Variants in FYTTD1 observed in about 807,000 individuals in gnomAD.
The protein encoded by FYTTD1 is forty-two-three domain containing 1.
Under a neutral mutation model 40.9 loss-of-function variants are expected in FYTTD1, and 22 were observed. The ratio of observed to expected loss-of-function variants is 0.54; its 90% CI spans 0.38 to 0.77. FYTTD1 has a LOEUF of 0.77. Among genes scored for constraint, FYTTD1 ranks in the 30% least tolerant of loss-of-function variants. FYTTD1 has a pLI of 0.00. For missense variants in FYTTD1, 351 were observed against 392.2 expected, an observed-to-expected ratio of 0.90 and a Z score of 0.89; for synonymous variants, 140 against 137.9, an observed-to-expected ratio of 1.01 and a Z score of -0.10.
chr3:197,767,163 C>T (rs901285879), intron 2 of FYTTD1, among the ~76,000 whole-genome samples: 5 of 151,650 alleles, frequency 3.3e-5, no homozygotes, highest in African/African-American at 4.8e-5. Context: ...TTTTTTGAGA[C>T]GGAGTCTCGC....
At chr3:197,753,050 A>C (rs1729110189) in intron 1 of FYTTD1, among the ~76,000 whole-genome samples, 1 of 152,184 alleles carries the variant, frequency 6.6e-6, no homozygotes, top group Admixed American at 6.5e-5. Context: ...TGGAGAGCTG[A>C]AACAGCTTGA....
At chr3:197,752,513 G>A (rs1729091239) in intron 1 of FYTTD1, among the ~76,000 whole-genome samples, 1 of 151,648 alleles carries the variant, frequency 6.6e-6, no homozygotes, top group South Asian at 2.1e-4. Flanking sequence ...TACACTATAT[G>A]TAGTATGTCT....
intron 4 of FYTTD1, 92 bp from the exon 5 acceptor site, chr3:197,773,311 A>G: frequency 1.4e-6 from 1 of 704,978 alleles, no homozygotes. Context: ...TCATGTTTGC[A>G]GCCTATGAAT....
rs952527760 is a variant in FYTTD1 at position 197,776,848 on chromosome 3, A to C, written c.657-79A>C. The C allele has an allele frequency of 2.7e-5, 25 of 918,582 alleles. No individual in the cohort carries two copies. The African/African-American group carries it at 4.0e-4, about 15-fold the overall frequency. The allele number at this position is 918,582 out of a possible 1,614,324, so 56.9% of individuals were successfully genotyped here. A position where few individuals can be genotyped will look rare whatever the true frequency, so the allele number is the denominator to read the frequency against. On this transcript the variant is annotated intron_variant, in intron 6 of 8. Transcript: ENST00000241502. ...TAAGAAAAAGTAATGGCTACTTTTA[A>C]TGTTCATTTTTATTTTGAATATACA...
At chr3:197,770,917 C>T (rs1215987511) in intron 4 of FYTTD1, among the ~76,000 whole-genome samples, 1 of 152,196 alleles carries the variant, frequency 6.6e-6, no homozygotes, top group Non-Finnish European at 1.5e-5. Context: ...CAATTTGTTA[C>T]TCAGTCTGGA....
intron 2 of FYTTD1, among the ~76,000 whole-genome samples, chr3:197,766,588 A>G (rs1205043017): frequency 6.6e-6 from 1 of 151,774 alleles, no homozygotes; most frequent in Non-Finnish European, 1.5e-5. Flanking sequence ...GACTACAGGT[A>G]CGCGCCACTG....
chr3:197,772,145 A>G (rs537630666), intron 4 of FYTTD1, among the ~76,000 whole-genome samples: 2 of 152,198 alleles, frequency 1.3e-5, no homozygotes, highest in Non-Finnish European at 2.9e-5. Flanking sequence ...TGCAGTTTTA[A>G]CCATCATCTT....
In FYTTD1 at chr3:197,768,043, A is replaced by C. The variant is rs1729602716; in HGVS notation, c.236-396A>C. ...AATATTTCACTATATAATTTATATA[A>C]AATCATCAGTGAAATATTTTACCTT... On this transcript the variant is annotated intron_variant, in intron 2 of 8. Coordinates refer to ENST00000241502, the MANE Select transcript of FYTTD1 (RefSeq NM_032288.7). Among the ~76,000 whole-genome samples the C allele has an allele frequency of 2.6e-5, 4 of 152,362 alleles. No individual in the cohort carries two copies. The South Asian group carries it at 8.3e-4, about 32-fold the overall frequency.
At chr3:197,767,398 A>G (rs1580457582) in intron 2 of FYTTD1, among the ~76,000 whole-genome samples, 1 of 149,144 alleles carries the variant, frequency 6.7e-6, no homozygotes, top group Admixed American at 6.7e-5. Context: ...TCGGCCTTCC[A>G]GAGTGCTGGG....
Position 197,750,033 on chromosome 3 carries a change from C to T in FYTTD1, c.62C>T (p.Ala21Val). Residue 21 changes from alanine to valine, a missense_variant, in exon 1 of 9, where the codon GCC becomes GTC. By Grantham distance (64) the Ala-to-Val change is moderately conservative (BLOSUM62 0). Coordinates refer to ENST00000241502, the MANE Select transcript of FYTTD1 (RefSeq NM_032288.7). Reference sequence around the variant, plus strand: ...GCGACTTCTTCGCCGCCGCCGAAGGCCCGCAGCAATGAAAACCTCGACAAA... The same window carrying T: ...GCGACTTCTTCGCCGCCGCCGAAGGTCCGCAGCAATGAAAACCTCGACAAA... Reference protein sequence around the residue: ...ATATSSPPPKARSNENLDKID... With the variant: ...ATATSSPPPKVRSNENLDKID... 2 of 1,582,434 alleles carry T rather than the reference C, an allele frequency of 1.3e-6. No homozygotes were observed. The highest frequency in any genetic ancestry group is 1.1e-5 in the South Asian group (1 of 87,834).
chr3:197,761,224 A>G (rs558586372), intron 2 of FYTTD1, among the ~76,000 whole-genome samples: 7 of 151,556 alleles, frequency 4.6e-5, no homozygotes, highest in Non-Finnish European at 1.0e-4. Context: ...TAGAATGTAT[A>G]TACTTGTTCT....
intron 5 of FYTTD1, 69 bp downstream of exon 5, chr3:197,773,568 C>A: frequency 1.1e-6 from 1 of 881,096 alleles, no homozygotes; most frequent in Non-Finnish European, 1.8e-6. Context: ...CCTGAGCAGC[C>A]ACCTTTAGTA....
At chr3:197,752,436 A>G (rs1050882215) in intron 1 of FYTTD1, among the ~76,000 whole-genome samples, 6 of 152,168 alleles carry the variant, frequency 3.9e-5, no homozygotes, top group Non-Finnish European at 7.4e-5. Context: ...GGTACACAGC[A>G]CTGTATTTTT....
chr3:197,779,234 G>A (rs1487440774), intron 8 of FYTTD1, among the ~76,000 whole-genome samples: 2 of 152,090 alleles, frequency 1.3e-5, no homozygotes, highest in African/African-American at 4.8e-5. Flanking sequence ...GGCCAACGTG[G>A]TGAAATCCTG....
At chr3:197,777,618 G>A (rs1012958868) in intron 7 of FYTTD1, among the ~76,000 whole-genome samples, 2 of 152,102 alleles carry the variant, frequency 1.3e-5, no homozygotes, top group Non-Finnish European at 1.5e-5. Flanking sequence ...TAATGTTTTC[G>A]ATGTCTTTAT....
intron 4 of FYTTD1, among the ~76,000 whole-genome samples, chr3:197,771,104 C>A (rs1729702447): frequency 6.6e-6 from 1 of 152,104 alleles, no homozygotes; most frequent in Non-Finnish European, 1.5e-5. Context: ...CCTGTGGTCC[C>A]AGCTACTTAC....
Position 197,750,465 on chromosome 3 carries a change from T to G in FYTTD1, c.103+391T>G, listed in dbSNP as rs906082252. The G allele has an allele frequency of 4.1e-5, 41 of 995,688 alleles. 1 individual carries two copies. In the East Asian group the frequency reaches 4.0e-3, roughly 97 times the overall value. 61.7% of individuals were successfully genotyped at this position (995,688 alleles called of 1,614,324 possible). A position where few individuals can be genotyped will look rare whatever the true frequency, so the allele number is the denominator to read the frequency against. On this transcript the variant is annotated intron_variant, in intron 1 of 8. Transcript: ENST00000241502. The stretch of plus-strand genomic sequence containing the variant: ...CGGAGCGCGTTCGCGGTGGGCGTTA[T>G]CGGGGAGCGAGGGGAATGGTCCGAC...
At chr3:197,762,558 C>T (rs190916247) in intron 2 of FYTTD1, among the ~76,000 whole-genome samples, 518 of 149,994 alleles carry the variant, frequency 3.5e-3, no homozygotes, top group African/African-American at 0.012. Flanking sequence ...CACTGCACTC[C>T]ACCCTGGGTG....
intron 6 of FYTTD1, among the ~76,000 whole-genome samples, chr3:197,775,418 T>G (rs1729847793): frequency 6.6e-6 from 1 of 152,072 alleles, no homozygotes; most frequent in Non-Finnish European, 1.5e-5. Flanking sequence ...CCAGGCCCAT[T>G]GAAGAGATTA....
Sources: allele counts gnomAD v4.1 joint callset (sites outside exome capture counted in the v4.1 genomes callset), GRCh38; gene constraint gnomAD v4.1.1; transcripts MANE v1.5; gene names NCBI Gene and HGNC (gene_info 2026-07-23, HGNC 2026-07-21).